TAGLN3: variants seen among roughly 807,000 people sequenced by gnomAD.
TAGLN3 encodes transgelin 3, also known as transgelin-3.
A neutral mutation model predicts 25.4 loss-of-function variants in TAGLN3; 12 were observed. That is an observed-to-expected ratio of 0.47 (90% CI 0.30 to 0.77). TAGLN3 has a LOEUF of 0.77. Among genes scored for constraint, TAGLN3 ranks in the 30% least tolerant of loss-of-function variants. The pLI, the probability that TAGLN3 is intolerant of heterozygous loss-of-function variation, is 0.06. For missense variants in TAGLN3, 218 were observed against 255.8 expected, an observed-to-expected ratio of 0.85 and a Z score of 1.01; for synonymous variants, 96 against 94.8, an observed-to-expected ratio of 1.01 and a Z score of -0.08.
Position 112,006,691 on chromosome 3 carries a change from A to G in TAGLN3, c.356-5072A>G, listed in dbSNP as rs371551841. ...AGAAATAGAAAGTAGAGACTGTCCA[A>G]TCCAAGTTGACACACCCAAATGACT... is the stretch of plus-strand genomic sequence containing the variant. On this transcript the variant is annotated intron_variant, in intron 3 of 4. Coordinates refer to ENST00000478951, the MANE Select transcript of TAGLN3 (RefSeq NM_001008272.2). Among the ~76,000 whole-genome samples the G allele has an allele frequency of 2.4e-4, 37 of 152,348 alleles. No individual in the cohort carries two copies. In the South Asian group the frequency reaches 5.4e-3, roughly 22 times the overall value.
rs2072980432 is a variant in TAGLN3, at chr3:112,011,877, T to C, written c.458+12T>C. On this transcript the variant is annotated intron_variant, in intron 4 of 4. Transcript: ENST00000478951. The stretch of plus-strand genomic sequence containing the variant: ...TCCTGGTTTCACAGGTAAAAGCCTC[T>C]TCCTTGCCCCCTGGACCACAAGGCG... 1 of 1,611,950 alleles carries C rather than the reference T, an allele frequency of 6.2e-7. No individual in the cohort carries two copies. Among genetic ancestry groups the C allele is most frequent in the African/African-American group, 1.3e-5 (1 of 74,854 alleles).
At chr3:112,006,200 GCA>G (rs1277934798) in intron 3 of TAGLN3, among the ~76,000 whole-genome samples, 1 of 152,112 alleles carries the variant, frequency 6.6e-6, no homozygotes, top group Non-Finnish European at 1.5e-5. Flanking sequence ...GCCTGTTAAA[GCA>G]CAGACTGCTA....
rs752353988 is a variant in TAGLN3 at position 112,013,671 on chromosome 3, T to C, written c.*120T>C. 6.8e-7 allele frequency: 1 copy of C among 1,476,014 alleles called. No homozygotes were observed. The highest frequency in any genetic ancestry group is 9.3e-7 in the Non-Finnish European group (1 of 1,077,840). The allele number at this position is 1,476,014 out of a possible 1,614,324, so 91.4% of individuals were successfully genotyped here. A position where few individuals can be genotyped will look rare whatever the true frequency, so the allele number is the denominator to read the frequency against. On this transcript the variant is annotated 3_prime_UTR_variant, in exon 5 of 5. Coordinates refer to ENST00000478951, the MANE Select transcript of TAGLN3 (RefSeq NM_001008272.2). ...TTTCTCAAAGCCTTCTGTCCCTGGT[T>C]TTTGCAAGTGCTGCATTTCCGCCGA...
At chr3:112,001,612 G>A (rs966219292) in intron 3 of TAGLN3, among the ~76,000 whole-genome samples, 2 of 152,224 alleles carry the variant, frequency 1.3e-5, no homozygotes, top group South Asian at 2.1e-4. Flanking sequence ...TCATGGTGTC[G>A]TTAATGTCCC....
intron 3 of TAGLN3, among the ~76,000 whole-genome samples, chr3:112,005,693 CTTTTT>C (rs1165368614): frequency 1.3e-4 from 10 of 79,940 alleles, no homozygotes; most frequent in South Asian, 3.6e-4. Flanking sequence ...GCCTAATTTT[CTTTTT>C]TTTCTTTTTT....
At chr3:111,999,691 C>G in intron 2 of TAGLN3, 89 bp downstream of exon 2, 6 of 1,497,626 alleles carry the variant, frequency 4.0e-6, no homozygotes, top group Non-Finnish European at 5.4e-6. Flanking sequence ...GCGGGAAGAG[C>G]TGCTGTTGCC....
At chr3:112,006,205 G>A (rs1158105241) in intron 3 of TAGLN3, among the ~76,000 whole-genome samples, 1 of 152,126 alleles carries the variant, frequency 6.6e-6, no homozygotes, top group Non-Finnish European at 1.5e-5. Context: ...TTAAAGCACA[G>A]ACTGCTAAGC....
intron 3 of TAGLN3, among the ~76,000 whole-genome samples, chr3:112,003,349 G>A (rs774758): frequency 0.3 from 44,838 of 151,908 alleles, 7,102 homozygotes; most frequent in African/African-American, 0.4. Context: ...AAAGTGGGTC[G>A]CTTTGAGCAG....
intron 3 of TAGLN3, among the ~76,000 whole-genome samples, chr3:112,006,494 A>G (rs1474122449): frequency 1.3e-5 from 2 of 152,234 alleles, no homozygotes; most frequent in East Asian, 3.9e-4. Context: ...ATTCAGGGAA[A>G]TAAGACATGG....
At position 112,011,829 on chromosome 3, in the gene TAGLN3, AT is replaced by A. The variant is rs2072979827; in HGVS notation, c.423del (p.Asp141GlufsTer33). On this transcript the variant is annotated frameshift_variant, in exon 4 of 5. Transcript: ENST00000478951. LOFTEE classifies it high-confidence loss of function. ...ALGSVAVTKDDGCYRGEPSWF... is the reference protein window; with the variant it reads ...ALGSVAVTKDXGCYRGEPSWF... ...GGCAGCGTTGCAGTCACCAAGGATG[AT>A]GGCTGCTATCGGGGAGAGCCATCCT... is the stretch of plus-strand genomic sequence containing the variant. 1 of 1,613,828 alleles carries A rather than the reference AT, an allele frequency of 6.2e-7. No individual in the cohort carries two copies. The highest frequency in any genetic ancestry group is 1.3e-5 in the African/African-American group (1 of 74,898).
chr3:112,000,521 A>G, intron 2 of TAGLN3: 1 of 379,438 alleles, frequency 2.6e-6, no homozygotes, highest in Non-Finnish European at 4.7e-6. Context: ...AGGAACAGGG[A>G]GGGAATGGCG....
At chr3:112,010,755 G>C (rs1405076325) in intron 3 of TAGLN3, among the ~76,000 whole-genome samples, 1 of 152,216 alleles carries the variant, frequency 6.6e-6, no homozygotes, top group Non-Finnish European at 1.5e-5. Context: ...GGGTAGAGGG[G>C]AGAGAGGATC....
rs1432653694 is a variant in TAGLN3 at position 112,013,618 on chromosome 3, TAG to T, written c.*68_*69del. 14 of 1,606,716 alleles carry T rather than the reference TAG, an allele frequency of 8.7e-6. No individual in the cohort carries two copies. The highest frequency in any genetic ancestry group is 1.0e-5 in the Non-Finnish European group (12 of 1,175,496). On this transcript the variant is annotated 3_prime_UTR_variant, in exon 5 of 5. Coordinates refer to ENST00000478951, the MANE Select transcript of TAGLN3 (RefSeq NM_001008272.2). ...CACCATGGTCTCTACGAAAAAGAAA[TAG>T]TTAGTCACCTTCTGACCTTCTCCTC...
In TAGLN3 at chr3:112,010,226, A is replaced by G. The variant is rs572298483; in HGVS notation, c.356-1537A>G. Among the ~76,000 whole-genome samples the G allele has an allele frequency of 1.8e-3, 279 of 152,078 alleles. 2 individuals are homozygous for G. The highest frequency in any genetic ancestry group is 6.3e-3 in the African/African-American group (261 of 41,500). The stretch of plus-strand genomic sequence containing the variant: ...GTAGTGTCTGTGGGTGATCTGCTGG[A>G]TGTCAGGCCCCACATTTTCCCAGAT... On this transcript the variant is annotated intron_variant, in intron 3 of 4. Coordinates refer to ENST00000478951, the MANE Select transcript of TAGLN3 (RefSeq NM_001008272.2).
intron 3 of TAGLN3, among the ~76,000 whole-genome samples, chr3:112,006,401 C>T (rs1489462395): frequency 6.6e-6 from 1 of 152,156 alleles, no homozygotes; most frequent in East Asian, 1.9e-4. Context: ...CAAACCCAAC[C>T]TCACCCCTGA....
intron 4 of TAGLN3, 54 bp downstream of exon 4, chr3:112,011,919 G>T: frequency 6.4e-7 from 1 of 1,551,064 alleles, no homozygotes; most frequent in Non-Finnish European, 8.8e-7. Flanking sequence ...ACCAGAGGGA[G>T]GGTCTGAAGC....
chr3:112,005,497 G>C (rs1275812960), intron 3 of TAGLN3, among the ~76,000 whole-genome samples: 1 of 152,080 alleles, frequency 6.6e-6, no homozygotes, highest in Non-Finnish European at 1.5e-5. Context: ...TGGGAGTTAG[G>C]GAGGTGTGGT....
intron 1 of TAGLN3, 50 bp from the exon 2 acceptor site, chr3:111,999,371 G>A (rs2072827104): frequency 1.3e-6 from 2 of 1,589,894 alleles, no homozygotes; most frequent in Non-Finnish European, 1.7e-6. Context: ...GCCGGAGGCT[G>A]CTGCTGCTGC....
chr3:112,007,797 G>A (rs972087559), intron 3 of TAGLN3, among the ~76,000 whole-genome samples: 7 of 152,162 alleles, frequency 4.6e-5, no homozygotes, highest in African/African-American at 1.7e-4. Flanking sequence ...ACTTTGTGGA[G>A]GATATCTCTG....
Sources: allele counts gnomAD v4.1 joint callset (sites outside exome capture counted in the v4.1 genomes callset), GRCh38; gene constraint gnomAD v4.1.1; transcripts MANE v1.5; gene names NCBI Gene and HGNC (gene_info 2026-07-23, HGNC 2026-07-21).